USF3: variants seen among roughly 807,000 people sequenced by gnomAD.
The protein encoded by USF3 is upstream transcription factor family member 3.
A neutral mutation model predicts 157.5 loss-of-function variants in USF3; 29 were observed. The observed-to-expected ratio is 0.18, with a 90% CI of 0.14 to 0.25. The LOEUF (loss-of-function observed/expected upper bound fraction) is 0.25. Ranked by LOEUF, USF3 falls within the 10% of genes least tolerant of loss-of-function variation. The probability of loss-of-function intolerance (pLI) is 1.00; values close to 1 mark genes in which losing one functional copy is unlikely to be tolerated. For synonymous variants in USF3, 893 were observed against 941.4 expected (o/e 0.95, Z 0.94); for missense variants, 2,381 against 2,667.6 (o/e 0.89, Z 2.37).
intron 6 of USF3, among the ~76,000 whole-genome samples, chr3:113,663,291 C>T (rs1456840417): frequency 6.6e-6 from 1 of 152,156 alleles, no homozygotes; most frequent in Non-Finnish European, 1.5e-5. Context: ...ATTGTCTCAG[C>T]CTCTGGCTTT....
rs1420279049 is a variant in USF3 at position 113,655,758 on chromosome 3, G to A, written c.5924C>T (p.Pro1975Leu). The A allele has an allele frequency of 6.2e-6, 10 of 1,614,016 alleles. No homozygotes were observed. In the Admixed American group the frequency reaches 6.7e-5, roughly 11 times the overall value. ...TTGCAGGGGATGCCTTGATCTCTGG[G>A]GAACTGAAGAATTAGCTTGACGTAC... is the stretch of plus-strand genomic sequence containing the variant. ...PAVRQANSSV[P>L]QRSRHPLQDS... The change falls in exon 7 of 7, where the codon CCC becomes CTC. Residue 1975 changes from proline (P) to leucine (L), a missense_variant. By Grantham distance (98) the Pro-to-Leu change is moderately conservative (BLOSUM62 -3). Around this residue, in one of 6 missense-constraint regions of USF3, gnomAD observed 770 missense variants for 824.2 expected, o/e 0.93. Coordinates refer to ENST00000316407, the MANE Select transcript of USF3 (RefSeq NM_001009899.4).
At chr3:113,696,243 C>G (rs1344548726) in intron 1 of USF3, 127 bp downstream of exon 1, 2 of 152,728 alleles carry the variant, frequency 1.3e-5, no homozygotes, top group African/African-American at 4.8e-5. Context: ...TAGCGCAGCC[C>G]TGGCCTCCCG....
rs2107916850 is a variant in USF3, at chr3:113,656,018, G to A, written c.5664C>T (p.Thr1888=). Reference sequence around the variant, plus strand: ...AAGGAATATTCAAGGTGCTGTTCCTGGTGTTAATTGCACCTAACGACATGT... The same window carrying A: ...AAGGAATATTCAAGGTGCTGTTCCTAGTGTTAATTGCACCTAACGACATGT... ...SCDMSLGAIN[T]RNSTLNIPFS... The change falls in exon 7 of 7, where the codon ACC becomes ACT. Residue 1888 remains threonine (T), a synonymous_variant. Coordinates refer to ENST00000316407, the MANE Select transcript of USF3 (RefSeq NM_001009899.4). 5 of 1,614,156 alleles carry A rather than the reference G, an allele frequency of 3.1e-6. No individual in the cohort carries two copies. The highest frequency in any genetic ancestry group is 1.1e-5 in the South Asian group (1 of 91,080).
At chr3:113,688,339 C>T (rs1292714382) in intron 1 of USF3, among the ~76,000 whole-genome samples, 4 of 152,120 alleles carry the variant, frequency 2.6e-5, no homozygotes, top group Non-Finnish European at 5.9e-5. Context: ...AGGCTGGTCT[C>T]GAATTCCTGA....
At chr3:113,681,062 C>T (rs936709096) in intron 1 of USF3, among the ~76,000 whole-genome samples, 5 of 150,640 alleles carry the variant, frequency 3.3e-5, no homozygotes, top group African/African-American at 1.2e-4. Flanking sequence ...CTGCAACCTG[C>T]ACCTTGCAGG....
In USF3 at chr3:113,658,981, G is replaced by A. The variant is rs201301695; in HGVS notation, c.2701C>T (p.His901Tyr). The A allele has an allele frequency of 9.9e-4, 1,598 of 1,614,140 alleles. 4 individuals carry two copies. Among genetic ancestry groups the A allele is most frequent in the South Asian group, 1.2e-3 (105 of 91,082 alleles). ...GATTTTGCTGCGGCCATTGCAAAAT[G>A]TTCACTTGTTACAGATTCTTGGGAG... Reference protein sequence around the residue: ...PPSQESVTSEHFAMAAAKSKD... With the variant: ...PPSQESVTSEYFAMAAAKSKD... The change falls in exon 7 of 7, where the codon CAT (histidine) becomes TAT (tyrosine). Residue 901 changes from histidine to tyrosine, a missense_variant. Coordinates refer to ENST00000316407, the MANE Select transcript of USF3 (RefSeq NM_001009899.4).
In USF3 at chr3:113,651,757, A is replaced by C. The variant is rs1428006703; in HGVS notation, c.*3187T>G. The C allele has an allele frequency of 6.6e-6, 1 of 152,186 alleles. No homozygotes were observed. Among genetic ancestry groups the C allele is most frequent in the Non-Finnish European group, 1.5e-5 (1 of 68,032 alleles). 9.4% of individuals were successfully genotyped at this position (152,186 alleles called of 1,614,324 possible). On this transcript the variant is annotated 3_prime_UTR_variant, in exon 7 of 7. Coordinates refer to ENST00000316407, the MANE Select transcript of USF3 (RefSeq NM_001009899.4). Reference sequence around the variant, plus strand: ...ACTGAAGTCTTACATACACATGCATACATCTGTAAAGTAATGAGAGCTACA... The same window carrying C: ...ACTGAAGTCTTACATACACATGCATCCATCTGTAAAGTAATGAGAGCTACA...
chr3:113,689,532 A>AT (rs1036584659), intron 1 of USF3, among the ~76,000 whole-genome samples: 6 of 152,160 alleles, frequency 3.9e-5, no homozygotes, highest in Non-Finnish European at 5.9e-5. Context: ...ACTATATTTG[A>AT]TTTTTTCCAC....
intron 1 of USF3, among the ~76,000 whole-genome samples, chr3:113,686,821 A>G (rs533483517): frequency 6.6e-6 from 1 of 152,220 alleles, no homozygotes; most frequent in South Asian, 2.1e-4. Flanking sequence ...ATATGCTTGT[A>G]TTTATCTACT....
At chr3:113,674,551 C>T (rs1707234257) in intron 3 of USF3, among the ~76,000 whole-genome samples, 1 of 152,118 alleles carries the variant, frequency 6.6e-6, no homozygotes, top group African/African-American at 2.4e-5. Flanking sequence ...TCATGTTGGC[C>T]AGGCTGGTCT....
Position 113,656,966 on chromosome 3 carries a change from G to A in USF3, c.4716C>T (p.Ser1572=), listed in dbSNP as rs374310668. 147 of 1,614,078 alleles carry A rather than the reference G, an allele frequency of 9.1e-5. No homozygotes were observed. Among genetic ancestry groups the A allele is most frequent in the Non-Finnish European group, 1.2e-4 (143 of 1,180,034 alleles). ...TTTCACAGCTCTTCTCTGTCTGGGA[G>A]CTTCCAAAGTGTTGCTGCATTTGTT... is the stretch of plus-strand genomic sequence containing the variant. ...MQQQMQQHFG[S]SQTEKSCENP... The change falls in exon 7 of 7, where the codon AGC becomes AGT. Residue 1572 remains serine, a synonymous_variant. Coordinates refer to ENST00000316407, the MANE Select transcript of USF3 (RefSeq NM_001009899.4).
At position 113,661,262 on chromosome 3, in the gene USF3, A is replaced by T; in HGVS notation, c.420T>A (p.Ser140Arg). 1 of 1,613,986 alleles carries T rather than the reference A, an allele frequency of 6.2e-7. No individual in the cohort carries two copies. The highest frequency in any genetic ancestry group is 1.1e-5 in the South Asian group (1 of 91,046). Residue 140 changes from serine (S) to arginine (R), a missense_variant, in exon 7 of 7, where the codon AGT becomes AGA. Physicochemically the swap from Ser to Arg is moderately radical, Grantham distance 110. Coordinates refer to ENST00000316407, the MANE Select transcript of USF3 (RefSeq NM_001009899.4). ...KNSKVSVVIP[S>R]DQVQKKIIVY... ...CAATAATTTTTTTTTGAACCTGGTC[A>T]CTAGGAATAACAACAGAGACCTTTG...
chr3:113,669,777 C>T (rs1707107251), intron 5 of USF3, among the ~76,000 whole-genome samples: 1 of 151,770 alleles, frequency 6.6e-6, no homozygotes, highest in Non-Finnish European at 1.5e-5. Flanking sequence ...TTGGAAGATT[C>T]TAAGTAAAAA....
intron 1 of USF3, among the ~76,000 whole-genome samples, chr3:113,692,213 G>C (rs1431126432): frequency 1.3e-5 from 2 of 152,170 alleles, no homozygotes; most frequent in Non-Finnish European, 2.9e-5. Flanking sequence ...TTAGAGGTTA[G>C]ACTAAATACC....
chr3:113,665,155 G>T (rs1282719545), intron 5 of USF3, among the ~76,000 whole-genome samples: 1 of 152,212 alleles, frequency 6.6e-6, no homozygotes, highest in Admixed American at 6.5e-5. Context: ...AGGCCCTGCA[G>T]ATATATGGGA....
Position 113,650,122 on chromosome 3 carries a change from T to C in USF3, c.*4822A>G, listed in dbSNP as rs1947235822. ...CCTCCAGGCAAAGGTAGCATTTATA[T>C]AGACAACAAAATTACAAAAATGGCT... On this transcript the variant is annotated 3_prime_UTR_variant, in exon 7 of 7. Coordinates refer to ENST00000316407, the MANE Select transcript of USF3 (RefSeq NM_001009899.4). 4.3e-6 allele frequency: 2 copies of C among 468,800 alleles called. No individual in the cohort carries two copies. Among genetic ancestry groups the C allele is most frequent in the Admixed American group, 3.7e-5 (1 of 27,028 alleles). The allele number at this position is 468,800 out of a possible 1,614,324, so 29.0% of individuals were successfully genotyped here.
chr3:113,677,258 G>C (rs1707302840), intron 2 of USF3, 24 bp downstream of exon 2: 2 of 152,090 alleles, frequency 1.3e-5, no homozygotes, highest in African/African-American at 4.8e-5. Flanking sequence ...ATAAGTAAAT[G>C]AATAATCCCT....
At chr3:113,694,261 T>A (rs762509353) in intron 1 of USF3, among the ~76,000 whole-genome samples, 5 of 152,236 alleles carry the variant, frequency 3.3e-5, no homozygotes, top group Non-Finnish European at 7.3e-5. Context: ...TTGAAGCTTG[T>A]ATTCTAACCT....
chr3:113,670,632 C>CGGAAGG (rs1251334134), intron 4 of USF3, among the ~76,000 whole-genome samples: 1 of 150,976 alleles, frequency 6.6e-6, no homozygotes, highest in South Asian at 2.1e-4. Context: ...GGAAGGGGAG[C>CGGAAGG]GGAAGGGGAA....
Sources: allele counts gnomAD v4.1 joint callset (sites outside exome capture counted in the v4.1 genomes callset), GRCh38; gene constraint gnomAD v4.1.1; regional missense constraint gnomAD v4.1.1; transcripts MANE v1.5; gene names NCBI Gene and HGNC (gene_info 2026-07-23, HGNC 2026-07-21).